The following ZNF362 variants were observed in gnomAD, a reference collection of about 807,000 sequenced individuals.
ZNF362 encodes zinc finger protein 362.
Under a neutral mutation model 42.9 loss-of-function variants are expected in ZNF362, and 11 were observed. The ratio of observed to expected loss-of-function variants is 0.26; its 90% CI spans 0.16 to 0.42. ZNF362 has a LOEUF of 0.42. Ranked by LOEUF, ZNF362 falls within the 20% of genes least tolerant of loss-of-function variation. The pLI is 1.00. For missense variants in ZNF362, 362 were observed against 576.2 expected (o/e 0.63, Z 3.81); for synonymous variants, 255 against 257.3 (o/e 0.99, Z 0.09).
the ZNF362 span, among the ~76,000 whole-genome samples, chr1:33,157,763 T>C: frequency 6.6e-6 from 1 of 151,862 alleles, no homozygotes; most frequent in African/African-American, 2.4e-5. Flanking sequence ...TTTTTTTTCT[T>C]CCTTTTTTTC....
the ZNF362 span, among the ~76,000 whole-genome samples, chr1:33,197,655 C>T: frequency 2.2e-4 from 33 of 151,948 alleles, no homozygotes; most frequent in African/African-American, 5.3e-4. Context: ...GGCCACAGTA[C>T]GGGGGAGGGA....
At chr1:33,155,172 A>T in the ZNF362 span, among the ~76,000 whole-genome samples, 4 of 150,328 alleles carry the variant, frequency 2.7e-5, no homozygotes, top group African/African-American at 9.7e-5. Context: ...CCTGGGTTCA[A>T]GCCATTCTCC....
intron 6 of ZNF362, among the ~76,000 whole-genome samples, chr1:33,292,817 T>A (rs952626634): frequency 1.3e-5 from 2 of 152,172 alleles, no homozygotes; most frequent in African/African-American, 4.8e-5. Context: ...GAGGATGGGA[T>A]GAAGTGAAGA....
the ZNF362 span, among the ~76,000 whole-genome samples, chr1:33,196,730 T>C: frequency 6.6e-6 from 1 of 152,230 alleles, no homozygotes; most frequent in Non-Finnish European, 1.5e-5. Context: ...TATTATGTAC[T>C]GTACATAATT....
intron 1 of ZNF362, among the ~76,000 whole-genome samples, chr1:33,268,742 G>A (rs1005961324): frequency 6.6e-6 from 1 of 152,336 alleles, no homozygotes; most frequent in Non-Finnish European, 1.5e-5. Context: ...TGTTCAGTCT[G>A]GCTGGGCAGT....
chr1:33,165,289 T>A, the ZNF362 span: 1 of 540,498 alleles, frequency 1.9e-6, no homozygotes, highest in Admixed American at 3.4e-5. The surrounding 1 kb of genome is among the most constrained non-coding windows in gnomAD (Gnocchi z 4.0). Context: ...TGCCGCCCCA[T>A]TGAACTTCAC....
chr1:33,152,573 G>GAA, the ZNF362 span, among the ~76,000 whole-genome samples: 8 of 102,836 alleles, frequency 7.8e-5, no homozygotes, highest in South Asian at 2.9e-4. Context: ...GTCTCAAAAA[G>GAA]AAAAAAAAAA....
intron 8 of ZNF362, 61 bp downstream of exon 8, chr1:33,295,366 T>C: frequency 6.3e-7 from 1 of 1,574,854 alleles, no homozygotes; most frequent in Non-Finnish European, 8.6e-7. Flanking sequence ...CAGGCCTCAG[T>C]TGCTTCCCCA....
intron 1 of ZNF362, among the ~76,000 whole-genome samples, chr1:33,260,578 A>C (rs1645822438): frequency 6.6e-6 from 1 of 152,164 alleles, no homozygotes; most frequent in South Asian, 2.1e-4. Context: ...TGTCACCAGT[A>C]TCTGAAACCC....
the ZNF362 span, among the ~76,000 whole-genome samples, chr1:33,171,923 A>G: frequency 6.6e-6 from 1 of 152,104 alleles, no homozygotes; most frequent in Non-Finnish European, 1.5e-5. Flanking sequence ...CTGGGATTAT[A>G]GGCGCCCGAC....
chr1:33,143,126 G>A, the ZNF362 span: 2 of 152,156 alleles, frequency 1.3e-5, no homozygotes, highest in African/African-American at 2.4e-5. Flanking sequence ...CATGATATCA[G>A]CCTGACAACC....
chr1:33,286,069 C>T (rs1646030242), intron 6 of ZNF362, among the ~76,000 whole-genome samples: 1 of 151,678 alleles, frequency 6.6e-6, no homozygotes, highest in South Asian at 2.1e-4. Flanking sequence ...TCTCAAAAAA[C>T]AAAAAAACAA....
the ZNF362 span, chr1:33,176,332 A>G: frequency 3.2e-6 from 2 of 632,270 alleles, no homozygotes; most frequent in East Asian, 2.8e-5. Flanking sequence ...CAGAGCCGAA[A>G]TTTGAACCTA....
At chr1:33,172,631 C>T in the ZNF362 span, among the ~76,000 whole-genome samples, 1 of 152,088 alleles carries the variant, frequency 6.6e-6, no homozygotes, top group Non-Finnish European at 1.5e-5. Flanking sequence ...GCCCTGAGCA[C>T]ACAGTTATGC....
At chr1:33,273,229 C>A (rs2148088056) in intron 2 of ZNF362, among the ~76,000 whole-genome samples, 1 of 152,376 alleles carries the variant, frequency 6.6e-6, no homozygotes, top group South Asian at 2.1e-4. Flanking sequence ...GCCTGTCACA[C>A]AGTAGGTAGA....
At chr1:33,229,211 C>T in the ZNF362 span, among the ~76,000 whole-genome samples, 1 of 152,106 alleles carries the variant, frequency 6.6e-6, no homozygotes, top group Non-Finnish European at 1.5e-5. Context: ...ACCCCACACG[C>T]ACTGACATCT....
At chr1:33,172,106 C>A in the ZNF362 span, among the ~76,000 whole-genome samples, 2 of 152,174 alleles carry the variant, frequency 1.3e-5, no homozygotes, top group African/African-American at 4.8e-5. Context: ...TAAGGCCTAA[C>A]AGCACCTGCT....
chr1:33,128,556 T>G, the ZNF362 span, among the ~76,000 whole-genome samples: 1 of 152,338 alleles, frequency 6.6e-6, no homozygotes, highest in African/African-American at 2.4e-5. Flanking sequence ...CTCTGCCTAA[T>G]CTGAATCTCA....
At chr1:33,296,353 T>C (rs1276193574) in intron 8 of ZNF362, among the ~76,000 whole-genome samples, 1 of 152,072 alleles carries the variant, frequency 6.6e-6, no homozygotes, top group Non-Finnish European at 1.5e-5. Context: ...CATGCCGTCC[T>C]GCATTCTGGA....
Sources: allele counts gnomAD v4.1 joint callset (sites outside exome capture counted in the v4.1 genomes callset), GRCh38; gene constraint gnomAD v4.1.1; non-coding constraint Gnocchi (gnomAD v3.1); transcripts MANE v1.5; gene names NCBI Gene and HGNC (gene_info 2026-07-23, HGNC 2026-07-21).